The following TLE1 variants were observed in gnomAD, a reference collection of about 807,000 sequenced individuals.
The protein encoded by TLE1 is transducin-like enhancer protein 1.
In TLE1, 21 loss-of-function variants were observed where a neutral mutation model predicts 89.8. The observed-to-expected ratio is 0.23, with a 90% CI of 0.17 to 0.34. The LOEUF (loss-of-function observed/expected upper bound fraction) is 0.34, where lower values mean the gene tolerates loss of function less well. Ranked by LOEUF, TLE1 falls within the 10% of genes least tolerant of loss-of-function variation. The probability of loss-of-function intolerance (pLI) is 1.00; values close to 1 mark genes in which losing one functional copy is unlikely to be tolerated. For missense variants in TLE1, 795 were observed against 1,031.2 expected (o/e 0.77, Z 3.14); for synonymous variants, 447 against 407.6 (o/e 1.10, Z -1.16).
chr9:81,586,208 G>A (rs1004752836), intron 17 of TLE1, among the ~76,000 whole-genome samples: 2 of 152,024 alleles, frequency 1.3e-5, no homozygotes, highest in African/African-American at 2.4e-5. Context: ...TAGTAAAGAC[G>A]GGGTTTCACC....
chr9:81,687,240 G>C (rs997970858), intron 2 of TLE1, 94 bp downstream of exon 2: 7 of 1,003,916 alleles, frequency 7.0e-6, no homozygotes, highest in Non-Finnish European at 1.0e-5. Flanking sequence ...CCGCCTGGAC[G>C]CAAGAACTAA....
intron 17 of TLE1, among the ~76,000 whole-genome samples, chr9:81,586,023 T>TC (rs1207406571): frequency 6.6e-6 from 1 of 150,574 alleles, no homozygotes; most frequent in African/African-American, 2.4e-5. Context: ...GTGACTTTTT[T>TC]TTTTTTTTTT....
intron 4 of TLE1, among the ~76,000 whole-genome samples, chr9:81,682,151 G>A (rs1464848400): frequency 2.6e-5 from 4 of 152,032 alleles, no homozygotes; most frequent in Non-Finnish European, 5.9e-5. Context: ...CTACTCCGGA[G>A]GCTGAGGCAG....
chr9:81,652,820 C>CT (rs1829722352), intron 5 of TLE1, among the ~76,000 whole-genome samples: 1 of 152,154 alleles, frequency 6.6e-6, no homozygotes, highest in Admixed American at 6.5e-5. Flanking sequence ...ATACCTAAAA[C>CT]TTTAATATTA....
At chr9:81,661,215 T>G (rs1156843132) in intron 4 of TLE1, among the ~76,000 whole-genome samples, 1 of 147,428 alleles carries the variant, frequency 6.8e-6, no homozygotes, top group Non-Finnish European at 1.5e-5. Context: ...TTTATATATA[T>G]ATATATCTTT....
At chr9:81,665,574 T>C (rs543105928) in intron 4 of TLE1, among the ~76,000 whole-genome samples, 29 of 152,054 alleles carry the variant, frequency 1.9e-4, no homozygotes, top group Admixed American at 3.9e-4. Context: ...CACTAATTGC[T>C]CCCATTCTCT....
At chr9:81,585,484 T>C (rs1178107156) in intron 18 of TLE1, 21 bp downstream of exon 18, 1 of 1,601,428 alleles carries the variant, frequency 6.2e-7, no homozygotes, top group Non-Finnish European at 8.5e-7. Flanking sequence ...CGGCCTCCAG[T>C]TTCCTTTCGG....
intron 9 of TLE1, 110 bp from the exon 10 acceptor site, chr9:81,616,809 T>G: frequency 8.3e-7 from 1 of 1,201,622 alleles, no homozygotes; most frequent in Non-Finnish European, 1.2e-6. Context: ...AAAAACTACC[T>G]GGGACAGGCC....
chr9:81,648,043 G>A (rs574539274), intron 6 of TLE1, among the ~76,000 whole-genome samples: 10 of 152,154 alleles, frequency 6.6e-5, no homozygotes, highest in East Asian at 1.9e-4. Flanking sequence ...AGGCTGAGGC[G>A]GGTGGATCAC....
At chr9:81,605,297 C>T (rs766873870) in intron 14 of TLE1, among the ~76,000 whole-genome samples, 1 of 152,182 alleles carries the variant, frequency 6.6e-6, no homozygotes, top group Non-Finnish European at 1.5e-5. Flanking sequence ...GAGATGAGTG[C>T]AGTCATCGAG....
chr9:81,654,857 T>A (rs188727842), intron 4 of TLE1, among the ~76,000 whole-genome samples: 1 of 152,304 alleles, frequency 6.6e-6, no homozygotes, highest in African/African-American at 2.4e-5. Context: ...TTATTGTTCA[T>A]AGCTTCCCTA....
chr9:81,592,720 T>C (rs957234014), intron 15 of TLE1, among the ~76,000 whole-genome samples: 4 of 152,020 alleles, frequency 2.6e-5, no homozygotes, highest in African/African-American at 9.6e-5. Flanking sequence ...CCAGTTGTGC[T>C]TTTGTCCATT....
chr9:81,607,562 C>T (rs749211643), intron 14 of TLE1, among the ~76,000 whole-genome samples: 1 of 152,170 alleles, frequency 6.6e-6, no homozygotes, highest in Non-Finnish European at 1.5e-5. Context: ...GCCTTATTTG[C>T]CTGTTATTCC....
intron 4 of TLE1, among the ~76,000 whole-genome samples, chr9:81,667,405 A>C (rs1831616850): frequency 6.8e-6 from 1 of 146,946 alleles, no homozygotes; most frequent in Admixed American, 6.8e-5. Context: ...AAAAAAAAAA[A>C]GAAGCAAAAA....
At chr9:81,687,079 C>CT (rs1327363743) in intron 2 of TLE1, among the ~76,000 whole-genome samples, 17 of 152,138 alleles carry the variant, frequency 1.1e-4, no homozygotes, top group African/African-American at 4.1e-4. Flanking sequence ...CATGCAACTC[C>CT]TAAAGACATG....
At chr9:81,610,175 G>A in intron 14 of TLE1, 45 bp downstream of exon 14, 1 of 1,541,934 alleles carries the variant, frequency 6.5e-7, no homozygotes, top group Non-Finnish European at 8.9e-7. Flanking sequence ...ACCAATGACT[G>A]AGTAACCACC....
At chr9:81,589,752 G>A (rs1176140845) in intron 16 of TLE1, among the ~76,000 whole-genome samples, 2 of 152,136 alleles carry the variant, frequency 1.3e-5, no homozygotes. Flanking sequence ...GCTACTTATG[G>A]AGTTTTAAAA....
intron 16 of TLE1, among the ~76,000 whole-genome samples, chr9:81,588,116 C>T (rs1587851115): frequency 6.6e-6 from 1 of 152,072 alleles, no homozygotes; most frequent in African/African-American, 2.4e-5. Context: ...CTGACAAAAC[C>T]GTCTGGAAGG....
Position 81,662,361 on chromosome 9 carries a change from TTGTGTGTGTGTGTG to T in TLE1, c.235-8339_235-8326del, listed in dbSNP as rs371936084. ...CGGTGTTAGTATTAGTGTGCCTGTT[TTGTGTGTGTGTGTG>T]TGTGTGTGTGTGTGTGTGTGTGTGT... On this transcript the variant is annotated intron_variant, in intron 4 of 19. Coordinates refer to ENST00000376499, the MANE Select transcript of TLE1 (RefSeq NM_005077.5). Among the ~76,000 whole-genome samples the T allele has an allele frequency of 9.3e-3, 1,284 of 138,466 alleles. 11 individuals are homozygous for T. The highest frequency in any genetic ancestry group is 0.016 in the South Asian group (68 of 4,238). The allele number at this position is 138,466 out of a possible 152,430, so 90.8% of individuals were successfully genotyped here.
Sources: gnomAD v4.1 joint callset for allele counts (sites outside exome capture counted in the v4.1 genomes callset) on GRCh38, gnomAD v4.1.1 for gene constraint, MANE v1.5 for transcripts, NCBI Gene and HGNC (gene_info 2026-07-23, HGNC 2026-07-21) for gene names.